The following ARL15 variants were observed in gnomAD, a reference collection of about 807,000 sequenced individuals.
ARL15 encodes ADP-ribosylation factor-like protein 15.
In ARL15, 19 loss-of-function variants were observed where a neutral mutation model predicts 25.2. The observed-to-expected ratio is 0.75, with a 90% CI of 0.53 to 1.10. The LOEUF (loss-of-function observed/expected upper bound fraction) is 1.10. Among genes scored for constraint, ARL15 ranks in the 50% least tolerant of loss-of-function variants. The probability of loss-of-function intolerance (pLI) is 0.00; values close to 1 mark genes in which losing one functional copy is unlikely to be tolerated. For synonymous variants in ARL15, 94 were observed against 86.8 expected (o/e 1.08, Z -0.46); for missense variants, 220 against 246.0 (o/e 0.89, Z 0.71).
chr5:54,271,905 CATTTATTT>C (rs34653736), intron 1 of ARL15, among the ~76,000 whole-genome samples: 3,289 of 146,362 alleles, frequency 0.022, 107 homozygotes, highest in African/African-American at 0.075. Context: ...CTGTGCTTAA[CATTTATTT>C]ATTTATTTAT....
chr5:54,114,235 TAAA>T (rs1363251475), intron 3 of ARL15, among the ~76,000 whole-genome samples: 1 of 151,464 alleles, frequency 6.6e-6, no homozygotes, highest in Non-Finnish European at 1.5e-5. Flanking sequence ...CCATCTCTAC[TAAA>T]AATACAAAAA....
intron 4 of ARL15, among the ~76,000 whole-genome samples, chr5:54,107,212 C>T (rs184370464): frequency 2.0e-5 from 3 of 152,166 alleles, no homozygotes; most frequent in South Asian, 2.1e-4. Context: ...GAAAGACTGG[C>T]CCCCACGATT....
chr5:54,236,950 C>T (rs778888622), intron 1 of ARL15, among the ~76,000 whole-genome samples: 17 of 152,292 alleles, frequency 1.1e-4, no homozygotes, highest in South Asian at 8.3e-4. Flanking sequence ...TATGGCCGTA[C>T]GACATCATTG....
At chr5:53,891,287 G>T (rs1014022174) in intron 4 of ARL15, among the ~76,000 whole-genome samples, 2 of 152,176 alleles carry the variant, frequency 1.3e-5, no homozygotes, top group African/African-American at 4.8e-5. Flanking sequence ...GTGTGAAAGA[G>T]AGTCATGTTC....
chr5:54,201,527 G>A (rs566255834), intron 1 of ARL15, among the ~76,000 whole-genome samples: 6 of 152,164 alleles, frequency 3.9e-5, no homozygotes, highest in African/African-American at 1.4e-4. Context: ...CCATCCCCCA[G>A]GTGATGTCTG....
chr5:54,175,129 G>A (rs1754828167), intron 1 of ARL15, among the ~76,000 whole-genome samples: 2 of 152,108 alleles, frequency 1.3e-5, no homozygotes, highest in African/African-American at 2.4e-5. Flanking sequence ...TATTCATGTC[G>A]TTATCACTCA....
Position 53,967,695 on chromosome 5 carries a change from C to A in ARL15, c.463-80982G>T, listed in dbSNP as rs138766709. Among the ~76,000 whole-genome samples the A allele has an allele frequency of 5.2e-4, 79 of 152,264 alleles. 1 individual carries two copies. In the East Asian group the frequency reaches 0.015, roughly 29 times the overall value. ...TTCAGGAGACAGATCTAGGAATCATCTGCATGTGAGTGAGGCTGAAACTAG... is the reference window on the plus strand; with the variant it reads ...TTCAGGAGACAGATCTAGGAATCATATGCATGTGAGTGAGGCTGAAACTAG... On this transcript the variant is annotated intron_variant, in intron 4 of 4. Coordinates refer to ENST00000504924, the MANE Select transcript of ARL15 (RefSeq NM_019087.3).
chr5:54,196,384 C>T (rs1210526381), intron 1 of ARL15, among the ~76,000 whole-genome samples: 1 of 145,438 alleles, frequency 6.9e-6, no homozygotes, highest in African/African-American at 2.8e-5. Context: ...CCAACACTTA[C>T]TCAGCCACAT....
intron 1 of ARL15, among the ~76,000 whole-genome samples, chr5:54,220,006 TAC>T (rs1442259797): frequency 6.6e-6 from 1 of 152,206 alleles, no homozygotes; most frequent in Non-Finnish European, 1.5e-5. Context: ...CAAGATTATT[TAC>T]AGTCTTTAAG....
intron 1 of ARL15, among the ~76,000 whole-genome samples, chr5:54,205,944 C>T (rs543009968): frequency 1.7e-4 from 26 of 152,236 alleles, no homozygotes; most frequent in Non-Finnish European, 2.6e-4. Flanking sequence ...GTGGAACAGA[C>T]TAAATTGTCC....
At chr5:53,945,529 C>G (rs1480496967) in intron 4 of ARL15, among the ~76,000 whole-genome samples, 2 of 144,718 alleles carry the variant, frequency 1.4e-5, no homozygotes, top group African/African-American at 5.2e-5. Flanking sequence ...ATTCTCAGCA[C>G]ACTGAGAAGT....
At chr5:53,888,896 A>G (rs963163384) in intron 4 of ARL15, among the ~76,000 whole-genome samples, 1 of 152,192 alleles carries the variant, frequency 6.6e-6, no homozygotes, top group Non-Finnish European at 1.5e-5. Context: ...TCTGCCACAA[A>G]GTAAGGCTTC....
At chr5:54,008,558 G>A (rs1749123997) in intron 4 of ARL15, among the ~76,000 whole-genome samples, 1 of 152,148 alleles carries the variant, frequency 6.6e-6, no homozygotes, top group South Asian at 2.1e-4. Context: ...CACTAACCAG[G>A]GTTTTCTCTT....
At chr5:54,106,906 A>G (rs1483006289) in intron 4 of ARL15, among the ~76,000 whole-genome samples, 1 of 152,162 alleles carries the variant, frequency 6.6e-6, no homozygotes, top group East Asian at 1.9e-4. Flanking sequence ...CAGATGAGAG[A>G]GCCCAACTTT....
intron 3 of ARL15, among the ~76,000 whole-genome samples, chr5:54,118,130 T>C (rs1243164516): frequency 6.6e-6 from 1 of 152,162 alleles, no homozygotes; most frequent in Non-Finnish European, 1.5e-5. Context: ...AGTTCCCTGA[T>C]AAGTTTTCCA....
chr5:54,007,501 T>A (rs949900754), intron 4 of ARL15, among the ~76,000 whole-genome samples: 1 of 152,188 alleles, frequency 6.6e-6, no homozygotes. Context: ...AATATTTTTA[T>A]CTTTAAATTT....
intron 1 of ARL15, among the ~76,000 whole-genome samples, chr5:54,244,932 A>T (rs1039658737): frequency 1.3e-5 from 2 of 152,122 alleles, no homozygotes; most frequent in Non-Finnish European, 2.9e-5. Context: ...ATCAATATTA[A>T]TTTTCAATGT....
At chr5:54,089,870 T>C (rs1020169474) in intron 4 of ARL15, among the ~76,000 whole-genome samples, 5 of 152,194 alleles carry the variant, frequency 3.3e-5, no homozygotes, top group Non-Finnish European at 4.4e-5. Flanking sequence ...AACATACGAA[T>C]GTATATTTCT....
chr5:54,232,396 A>G (rs541588066), intron 1 of ARL15, among the ~76,000 whole-genome samples: 2 of 152,332 alleles, frequency 1.3e-5, no homozygotes, highest in African/African-American at 4.8e-5. Flanking sequence ...GTAGGCAGAA[A>G]AACAGGAAGG....
Sources: gnomAD v4.1 joint callset for allele counts (sites outside exome capture counted in the v4.1 genomes callset) on GRCh38, gnomAD v4.1.1 for gene constraint, MANE v1.5 for transcripts, NCBI Gene and HGNC (gene_info 2026-07-23, HGNC 2026-07-21) for gene names.